Variants in TLE2 observed in about 807,000 individuals in gnomAD.
The protein encoded by TLE2 is TLE family member 2, transcriptional corepressor, also known as transducin-like enhancer protein 2.
In TLE2, 74 loss-of-function variants were observed where a neutral mutation model predicts 97.2. The observed-to-expected ratio is 0.76, with a 90% CI of 0.63 to 0.92. The LOEUF is 0.92. Ranked by LOEUF, TLE2 falls within the 40% of genes least tolerant of loss-of-function variation. The pLI, the probability that TLE2 is intolerant of heterozygous loss-of-function variation, is 0.00. For synonymous variants in TLE2, 499 were observed against 432.1 expected (o/e 1.15, Z -1.92); for missense variants, 1,038 against 1,008.7 (o/e 1.03, Z -0.39).
intron 2 of TLE2, 77 bp downstream of exon 2, chr19:3,028,629 C>A: frequency 6.5e-7 from 1 of 1,536,362 alleles, no homozygotes; most frequent in Non-Finnish European, 9.0e-7. Flanking sequence ...CCCTCCTCCC[C>A]GCCCTATACC....
In TLE2 at chr19:3,008,462, T is replaced by C. The variant is rs532510319; in HGVS notation, c.1250+407A>G. On this transcript the variant is annotated intron_variant, in intron 14 of 19. Transcript: ENST00000262953. Reference sequence around the variant, plus strand: ...AGACTTTTTTTCTTTTTTCTTTTTTTTTTTTTGAGACTGAGTCTCGCTCTA... The same window carrying C: ...AGACTTTTTTTCTTTTTTCTTTTTTCTTTTTTGAGACTGAGTCTCGCTCTA... Among the ~76,000 whole-genome samples the C allele has an allele frequency of 5.3e-5, 8 of 151,650 alleles. No individual in the cohort carries two copies. The East Asian group carries it at 1.2e-3, about 22-fold the overall frequency.
At chr19:3,024,990 C>A in intron 5 of TLE2, 30 bp downstream of exon 5, 1 of 1,559,980 alleles carries the variant, frequency 6.4e-7, no homozygotes, top group Non-Finnish European at 8.7e-7. Flanking sequence ...GCTCCCTTCC[C>A]CTCCTCCCCC....
Position 3,002,380 on chromosome 19 carries a change from C to T in TLE2, c.2020G>A (p.Val674Met), listed in dbSNP as rs77292473. ...CAGGAGGCAAACTTCAGGGACAGCA[C>T]GCAGCTCTCGTGGAGGTGCAGCTGG... ...KYQLHLHESC[V>M]LSLKFASCGR... Residue 674 changes from valine (V) to methionine (M), a missense_variant, in exon 18 of 20, where the codon GTG becomes ATG. Coordinates refer to ENST00000262953, the MANE Select transcript of TLE2 (RefSeq NM_003260.5). 1.2e-5 allele frequency: 20 copies of T among 1,613,614 alleles called. No homozygotes were observed. The highest frequency in any genetic ancestry group is 2.2e-5 in the East Asian group (1 of 44,858).
intron 9 of TLE2, among the ~76,000 whole-genome samples, 177 bp from the exon 10 acceptor site, chr19:3,014,791 G>A (rs951459771): frequency 1.3e-5 from 2 of 151,984 alleles, no homozygotes; most frequent in African/African-American, 4.8e-5. Flanking sequence ...GCCCGCATCC[G>A]GGAAGGATGT....
intron 4 of TLE2, 65 bp downstream of exon 4, chr19:3,027,764 G>A: frequency 6.4e-7 from 1 of 1,552,888 alleles, no homozygotes; most frequent in Non-Finnish European, 8.8e-7. Context: ...CCCACTCTGG[G>A]TCCTTCTCAG....
Position 3,019,895 on chromosome 19 carries a change from CT to C in TLE2, c.295-123del. 1 of 1,302,248 alleles carries C rather than the reference CT, an allele frequency of 7.7e-7. No homozygotes were observed. The highest frequency in any genetic ancestry group is 1.0e-6 in the Non-Finnish European group (1 of 955,974). 80.7% of individuals were successfully genotyped at this position (1,302,248 alleles called of 1,614,324 possible). Reference sequence around the variant, plus strand: ...CTTTGCCCCGGTACTTCCCATTTCTCTTTTATCTTTTTCCCTCTCACTCTCT... The same window carrying C: ...CTTTGCCCCGGTACTTCCCATTTCTCTTTATCTTTTTCCCTCTCACTCTCT... On this transcript the variant is annotated intron_variant, in intron 5 of 19. Coordinates refer to ENST00000262953, the MANE Select transcript of TLE2 (RefSeq NM_003260.5). The surrounding 1 kb of genome is among the most constrained non-coding windows in gnomAD (Gnocchi z 5.1).
At chr19:3,043,843 G>A (rs758316055) in intron 1 of TLE2, among the ~76,000 whole-genome samples, 3 of 151,574 alleles carry the variant, frequency 2.0e-5, no homozygotes, top group Non-Finnish European at 4.4e-5. Flanking sequence ...AATTAGCCAG[G>A]CATGGTGGCG....
At position 2,997,724 on chromosome 19, in the gene TLE2, G is replaced by A. The variant is rs772290873; in HGVS notation, c.*124C>T. ...CAGCAGGGGAAGGTGTGAAGCCGTT[G>A]GCCAGAGAGCAGATGGGATGTACGG... On this transcript the variant is annotated 3_prime_UTR_variant, in exon 20 of 20. Coordinates refer to ENST00000262953, the MANE Select transcript of TLE2 (RefSeq NM_003260.5). The A allele has an allele frequency of 2.9e-6, 2 of 682,208 alleles. No homozygotes were observed. The highest frequency in any genetic ancestry group is 1.8e-5 in the South Asian group (1 of 56,502). 42.3% of individuals were successfully genotyped at this position (682,208 alleles called of 1,614,324 possible). A position where few individuals can be genotyped will look rare whatever the true frequency, so the allele number is the denominator to read the frequency against.
intron 8 of TLE2, chr19:3,016,015 A>G: frequency 1.7e-6 from 1 of 572,972 alleles, no homozygotes; most frequent in South Asian, 1.5e-5. Context: ...CGGCCCACTG[A>G]GACCCCCGCC....
At position 3,019,651 on chromosome 19, in the gene TLE2, T is replaced by C; in HGVS notation, c.369+48A>G. The C allele has an allele frequency of 1.3e-6, 2 of 1,587,080 alleles. No homozygotes were observed. Among genetic ancestry groups the C allele is most frequent in the Non-Finnish European group, 8.6e-7 (1 of 1,166,770 alleles). Reference sequence around the variant, plus strand: ...ACCTCCTGGGTGGGTGCCAGGGACCTGGGAGTGGGCGTCTCCCCATGGCGG... The same window carrying C: ...ACCTCCTGGGTGGGTGCCAGGGACCCGGGAGTGGGCGTCTCCCCATGGCGG... On this transcript the variant is annotated intron_variant, in intron 6 of 19. Coordinates refer to ENST00000262953, the MANE Select transcript of TLE2 (RefSeq NM_003260.5). This position sits in a 1 kb window ranked among gnomAD's most constrained non-coding sequence, Gnocchi z 5.1.
intron 2 of TLE2, 91 bp downstream of exon 2, chr19:3,028,615 G>A (rs1022209244): frequency 1.4e-6 from 2 of 1,457,810 alleles, no homozygotes; most frequent in African/African-American, 1.4e-5. Context: ...CTCCAACCGG[G>A]AGCCCCTCCT....
chr19:3,014,921 G>A (rs1052755747), intron 9 of TLE2, among the ~76,000 whole-genome samples: 2 of 151,942 alleles, frequency 1.3e-5, no homozygotes, highest in African/African-American at 4.8e-5. Context: ...ATGGTGAGGG[G>A]AGAGCCAGAG....
At chr19:3,032,941 G>GTTTTT (rs10664438), upstream of TLE2, among the ~76,000 whole-genome samples, 1 of 146,192 alleles carries the variant, frequency 6.8e-6, no homozygotes, top group Non-Finnish European at 1.5e-5. This position sits in a 1 kb window ranked among gnomAD's most constrained non-coding sequence, Gnocchi z 4.1. Flanking sequence ...CTTGTTGGTT[G>GTTTTT]TTTTTTTTTT....
At chr19:3,038,766 C>T (rs141711168) in intron 1 of TLE2, among the ~76,000 whole-genome samples, 1,905 of 151,972 alleles carry the variant, frequency 0.013, 14 homozygotes, top group Non-Finnish European at 0.018. Context: ...AAATTAAGGC[C>T]GGGCGCAGTG....
chr19:3,008,912 A>G lies in TLE2; in HGVS notation c.1207T>C (p.Ser403Pro), dbSNP rs1433097850. The change falls in exon 14 of 20, where the codon TCA (serine) becomes CCA (proline). Residue 403 changes from serine to proline, a missense_variant. Physicochemically the swap from Ser to Pro is moderately conservative, Grantham distance 74. Transcript: ENST00000262953. ...CTGGGTAGGGAGGAAGAGACGGATG[A>G]CCCTCGGAGATGGGGATGAGACTCA... Reference protein sequence around the residue: ...AFESHPHLRGSSVSSSLPSIP... With the variant: ...AFESHPHLRGPSVSSSLPSIP... The G allele has an allele frequency of 1.3e-6, 2 of 1,594,658 alleles. No homozygotes were observed. The highest frequency in any genetic ancestry group is 2.3e-5 in the South Asian group (2 of 87,434).
At chr19:3,002,861 G>A (rs2089395378) in intron 17 of TLE2, among the ~76,000 whole-genome samples, 1 of 152,092 alleles carries the variant, frequency 6.6e-6, no homozygotes, top group Non-Finnish European at 1.5e-5. Flanking sequence ...AGTACGCCCG[G>A]GTAATTTTTG....
chr19:3,040,900 C>T (rs1483186355), intron 1 of TLE2, among the ~76,000 whole-genome samples: 1 of 148,656 alleles, frequency 6.7e-6, no homozygotes, highest in Non-Finnish European at 1.5e-5. Context: ...GACCTTTTAA[C>T]CCCTGTGGAC....
chr19:3,006,417 C>A lies in TLE2; in HGVS notation c.1500+3G>T. 4 of 1,609,526 alleles carry A rather than the reference C, an allele frequency of 2.5e-6. No individual in the cohort carries two copies. The highest frequency in any genetic ancestry group is 3.4e-6 in the Non-Finnish European group (4 of 1,179,272). On this transcript the variant is annotated splice_donor_region_variant and intron_variant, in intron 15 of 19. Transcript: ENST00000262953. ...CCCGCCCACTGTCCCACCCCGCCCT[C>A]ACCAGGCAGTCGAGCTGGGCCACGG...
intron 13 of TLE2, 32 bp from the exon 14 acceptor site, chr19:3,008,977 C>T (rs1022082373): frequency 2.0e-6 from 3 of 1,528,948 alleles, no homozygotes; most frequent in Middle Eastern, 1.7e-4. Flanking sequence ...GTCAGTGAGG[C>T]AGGTGACTCC....
Sources: gnomAD v4.1 joint callset for allele counts (sites outside exome capture counted in the v4.1 genomes callset) on GRCh38, gnomAD v4.1.1 for gene constraint, Gnocchi (gnomAD v3.1) non-coding constraint, MANE v1.5 for transcripts, NCBI Gene and HGNC (gene_info 2026-07-23, HGNC 2026-07-21) for gene names.